Variants in PITPNM2 observed in about 807,000 individuals in gnomAD.
PITPNM2 encodes membrane-associated phosphatidylinositol transfer protein 2.
A neutral mutation model predicts 132.2 loss-of-function variants in PITPNM2; 35 were observed. That is an observed-to-expected ratio of 0.26 (90% confidence interval 0.20 to 0.35). The LOEUF is 0.35. Ranked by LOEUF, PITPNM2 falls within the 10% of genes least tolerant of loss-of-function variation. The pLI, the probability that PITPNM2 is intolerant of heterozygous loss-of-function variation, is 1.00. For missense variants in PITPNM2, 1,332 were observed against 1,912.0 expected (o/e 0.70, Z 5.66); for synonymous variants, 738 against 799.2 (o/e 0.92, Z 1.29).
At chr12:123,018,453 C>T (rs2039533524) in intron 3 of PITPNM2, among the ~76,000 whole-genome samples, 1 of 151,770 alleles carries the variant, frequency 6.6e-6, no homozygotes, top group South Asian at 2.1e-4. Flanking sequence ...CACCACCATG[C>T]CTGACTAATT....
At chr12:122,997,010 C>T in intron 11 of PITPNM2, 100 bp from the exon 12 acceptor site, 1 of 1,202,794 alleles carries the variant, frequency 8.3e-7, no homozygotes, top group South Asian at 1.6e-5. Context: ...TCAGCATACG[C>T]TAGTGAGGAC....
chr12:123,085,688 TA>T (rs917971401), intron 2 of PITPNM2, among the ~76,000 whole-genome samples: 15 of 150,662 alleles, frequency 1.0e-4, no homozygotes, highest in African/African-American at 2.7e-4. Flanking sequence ...TTTACCACAA[TA>T]AAAAAAAATA....
Position 123,022,099 on chromosome 12 carries a change from GA to G in PITPNM2, c.79-8058del. On this transcript the variant is annotated intron_variant, in intron 3 of 25. Transcript: ENST00000320201. This position sits in a 1 kb window ranked among gnomAD's most constrained non-coding sequence, Gnocchi z 4.9. ...AGGATGGAGTGAAGAGCCAGGCCTG[GA>G]AAACCCTTCATTTCCGGTGCTCAGA... Among the ~76,000 whole-genome samples, 1 of 152,274 alleles carries G rather than the reference GA, an allele frequency of 6.6e-6. No individual in the cohort carries two copies. The highest frequency in any genetic ancestry group is 2.1e-4 in the South Asian group (1 of 4,826).
intron 1 of PITPNM2, among the ~76,000 whole-genome samples, chr12:123,123,369 T>C (rs2043069174): frequency 6.6e-6 from 1 of 152,148 alleles, no homozygotes; most frequent in African/African-American, 2.4e-5. Context: ...CCCAACACTC[T>C]AGGAGGCCGA....
At chr12:123,045,957 C>G (rs1033230806) in intron 2 of PITPNM2, among the ~76,000 whole-genome samples, 8 of 152,066 alleles carry the variant, frequency 5.3e-5, no homozygotes, top group African/African-American at 1.9e-4. Context: ...CTGGGTGTCC[C>G]AGCGAGGGTG....
At chr12:123,120,076 G>A (rs1018762706) in intron 1 of PITPNM2, among the ~76,000 whole-genome samples, 3 of 152,126 alleles carry the variant, frequency 2.0e-5, no homozygotes, top group African/African-American at 7.2e-5. Context: ...CTGCATAGCC[G>A]ACAAGGGCTT....
At chr12:123,105,893 C>G (rs1415748930) in intron 2 of PITPNM2, among the ~76,000 whole-genome samples, 1 of 152,104 alleles carries the variant, frequency 6.6e-6, no homozygotes, top group Non-Finnish European at 1.5e-5. Flanking sequence ...GTAGAGAAAC[C>G]CCCAGCCCCA....
At position 123,097,917 on chromosome 12, in the gene PITPNM2, C is replaced by A. The variant is rs1364772025; in HGVS notation, c.-96+12468G>T. Among the ~76,000 whole-genome samples the A allele has an allele frequency of 1.3e-5, 2 of 152,250 alleles. No homozygotes were observed. The highest frequency in any genetic ancestry group is 6.5e-5 in the Admixed American group (1 of 15,292). On this transcript the variant is annotated intron_variant, in intron 2 of 25. Coordinates refer to ENST00000320201, the MANE Select transcript of PITPNM2 (RefSeq NM_020845.3). The surrounding 1 kb of genome is among the most constrained non-coding windows in gnomAD (Gnocchi z 4.7). ...GAACAACATAATCCTCCTTTCTCTG[C>A]TGGCCTTGGCCCTCTGTAGTGATGC...
chr12:123,003,117 A>G (rs970909789), intron 8 of PITPNM2, among the ~76,000 whole-genome samples: 1 of 152,096 alleles, frequency 6.6e-6, no homozygotes, highest in Non-Finnish European at 1.5e-5. Flanking sequence ...ATATAATTTC[A>G]TATCCTCTAA....
chr12:123,125,903 A>G (rs1409559538), intron 1 of PITPNM2, among the ~76,000 whole-genome samples: 1 of 94,250 alleles, frequency 1.1e-5, no homozygotes, highest in Non-Finnish European at 1.9e-5. Context: ...GGAGTCTCGC[A>G]CTGTCACCCA....
At chr12:123,098,522 T>G (rs1163153950) in intron 2 of PITPNM2, among the ~76,000 whole-genome samples, 2 of 152,028 alleles carry the variant, frequency 1.3e-5, no homozygotes, top group African/African-American at 4.8e-5. Context: ...GGCAACATAG[T>G]AAGACTCTGT....
Position 123,009,199 on chromosome 12 carries a change from G to C in PITPNM2, c.643+651C>G, listed in dbSNP as rs889778817. ...GTGCCTTTTGGGTCATGGGCCTCAG[G>C]GACCGGAACCAGCTCTTGGAATGAC... On this transcript the variant is annotated intron_variant, in intron 6 of 25. Coordinates refer to ENST00000320201, the MANE Select transcript of PITPNM2 (RefSeq NM_020845.3). This position sits in a 1 kb window ranked among gnomAD's most constrained non-coding sequence, Gnocchi z 4.8. Among the ~76,000 whole-genome samples the C allele has an allele frequency of 2.6e-5, 4 of 152,190 alleles. No individual in the cohort carries two copies. The highest frequency in any genetic ancestry group is 5.9e-5 in the Non-Finnish European group (4 of 68,026).
chr12:122,990,822 G>A, intron 16 of PITPNM2, 113 bp from the exon 17 acceptor site: 1 of 1,219,944 alleles, frequency 8.2e-7, no homozygotes, highest in Non-Finnish European at 1.1e-6. Context: ...AGGCTGGGCA[G>A]CAGCTGTGCC....
At chr12:122,988,030 G>C in intron 20 of PITPNM2, 129 bp from the exon 21 acceptor site, 1 of 941,448 alleles carries the variant, frequency 1.1e-6, no homozygotes, top group African/African-American at 1.6e-5. Flanking sequence ...TCTGAGTCTG[G>C]ATCAGACACG....
chr12:123,123,657 G>T (rs531231604), intron 1 of PITPNM2, among the ~76,000 whole-genome samples: 1 of 151,984 alleles, frequency 6.6e-6, no homozygotes, highest in Admixed American at 6.6e-5. Context: ...TTTTTAGGCC[G>T]GGAGCATTGG....
chr12:123,034,686 C>G lies in PITPNM2; in HGVS notation c.-95-1G>C. The G allele has an allele frequency of 9.5e-7, 1 of 1,047,932 alleles. No individual in the cohort carries two copies. The highest frequency in any genetic ancestry group is 1.3e-5 in the South Asian group (1 of 76,126). 64.9% of individuals were successfully genotyped at this position (1,047,932 alleles called of 1,614,324 possible). A position where few individuals can be genotyped will look rare whatever the true frequency, so the allele number is the denominator to read the frequency against. ...CCATGACAAAATTCACCAAGGACCC[C>G]TGGGAGACAGAGAGGACAGAACAGA... is the stretch of plus-strand genomic sequence containing the variant. On this transcript the variant is annotated splice_acceptor_variant, in intron 2 of 25. Coordinates refer to ENST00000320201, the MANE Select transcript of PITPNM2 (RefSeq NM_020845.3). LOFTEE classifies it low-confidence loss of function (5UTR_SPLICE).
chr12:122,988,426 G>A, intron 19 of PITPNM2, 76 bp from the exon 20 acceptor site: 1 of 1,252,298 alleles, frequency 8.0e-7, no homozygotes. Flanking sequence ...AGGAGGCCCA[G>A]TACCCGGGAG....
At position 123,009,724 on chromosome 12, in the gene PITPNM2, C is replaced by T; in HGVS notation, c.643+126G>A. 2 of 933,698 alleles carry T rather than the reference C, an allele frequency of 2.1e-6. No homozygotes were observed. Among genetic ancestry groups the T allele is most frequent in the Non-Finnish European group, 1.7e-6 (1 of 598,934 alleles). The allele number at this position is 933,698 out of a possible 1,614,324, so 57.8% of individuals were successfully genotyped here. A position where few individuals can be genotyped will look rare whatever the true frequency, so the allele number is the denominator to read the frequency against. The stretch of plus-strand genomic sequence containing the variant: ...TGGACATGGGCTTTGGTGTCACCTT[C>T]CCAGAACAAAACAGAAACGCAGACT... On this transcript the variant is annotated intron_variant, in intron 6 of 25. Coordinates refer to ENST00000320201, the MANE Select transcript of PITPNM2 (RefSeq NM_020845.3). This position sits in a 1 kb window ranked among gnomAD's most constrained non-coding sequence, Gnocchi z 4.8.
At chr12:123,121,275 G>A (rs1021383579) in intron 1 of PITPNM2, among the ~76,000 whole-genome samples, 3 of 152,228 alleles carry the variant, frequency 2.0e-5, no homozygotes, top group South Asian at 2.1e-4. Context: ...TTACGAGGCC[G>A]AGATAGAAGG....
Sources: gnomAD v4.1 joint callset for allele counts (sites outside exome capture counted in the v4.1 genomes callset) on GRCh38, gnomAD v4.1.1 for gene constraint, Gnocchi (gnomAD v3.1) non-coding constraint, MANE v1.5 for transcripts, NCBI Gene and HGNC (gene_info 2026-07-23, HGNC 2026-07-21) for gene names.